The following MFHAS1 variants were observed in gnomAD, a reference collection of about 807,000 sequenced individuals.
The protein encoded by MFHAS1 is multifunctional ROCO family signaling regulator 1, also known as malignant fibrous histiocytoma-amplified sequence 1.
Under a neutral mutation model 70.4 loss-of-function variants are expected in MFHAS1, and 50 were observed. The ratio of observed to expected loss-of-function variants is 0.71; its 90% CI spans 0.57 to 0.90. The LOEUF is 0.90. MFHAS1 is among the 40% of genes least tolerant of loss of function. The pLI is 0.00. For synonymous variants in MFHAS1, 952 were observed against 620.0 expected, an observed-to-expected ratio of 1.54 and a Z score of -7.96; for missense variants, 1,795 against 1,347.6, an observed-to-expected ratio of 1.33 and a Z score of -5.20.
Position 8,891,119 on chromosome 8 carries a change from TCAGCAACTGA to T in MFHAS1, c.1930_1939del (p.Val645ThrfsTer34). The T allele has an allele frequency of 6.2e-7, 1 of 1,613,824 alleles. No homozygotes were observed. Among genetic ancestry groups the T allele is most frequent in the Non-Finnish European group, 8.5e-7 (1 of 1,180,026 alleles). On this transcript the variant is annotated frameshift_variant, in exon 1 of 3. Transcript: ENST00000276282. LOFTEE classifies it high-confidence loss of function. The surrounding 1 kb of genome is among the most constrained non-coding windows in gnomAD (Gnocchi z 5.4). ...TAAGTTGGGGAAGATCTCTCGGTGC[TCAGCAACTGA>T]CAGCAACTTGTCCCGAAGGCGTCGT...
At chr8:8,841,356 T>C (rs1807816143) in intron 1 of MFHAS1, among the ~76,000 whole-genome samples, 1 of 151,548 alleles carries the variant, frequency 6.6e-6, no homozygotes, top group Admixed American at 6.6e-5. Context: ...ACGCCTGTAA[T>C]CCCAGCTACT....
chr8:8,868,600 T>C (rs1808951371), intron 1 of MFHAS1, among the ~76,000 whole-genome samples: 2 of 151,992 alleles, frequency 1.3e-5, no homozygotes, highest in African/African-American at 4.8e-5. Context: ...GCCCAACAAA[T>C]GAGCATCTTA....
chr8:8,886,863 C>G (rs765407161), intron 1 of MFHAS1, among the ~76,000 whole-genome samples: 1 of 152,190 alleles, frequency 6.6e-6, no homozygotes, highest in Non-Finnish European at 1.5e-5. Flanking sequence ...TAGTGGCTCA[C>G]GCTTATAATC....
chr8:8,883,005 T>C (rs1177599663), intron 1 of MFHAS1, among the ~76,000 whole-genome samples: 1 of 151,766 alleles, frequency 6.6e-6, no homozygotes, highest in Non-Finnish European at 1.5e-5. Flanking sequence ...ATACAAAAAT[T>C]AGCCAGGCAT....
chr8:8,892,572 G>T lies in MFHAS1; in HGVS notation c.487C>A (p.Leu163Met), dbSNP rs34984230. Residue 163 changes from leucine (L) to methionine (M), a missense_variant, in exon 1 of 3, where the codon CTG becomes ATG. By Grantham distance (15) the Leu-to-Met change is conservative. Coordinates refer to ENST00000276282, the MANE Select transcript of MFHAS1 (RefSeq NM_004225.3). This position sits in a 1 kb window ranked among gnomAD's most constrained non-coding sequence, Gnocchi z 4.7. ...GCCAGCCGGTTAAAGCTGACATCCAGCTCCTCCAGGTGAGCGAGAGCGCCC... is the reference window on the plus strand; with the variant it reads ...GCCAGCCGGTTAAAGCTGACATCCATCTCCTCCAGGTGAGCGAGAGCGCCC... ...QLGALAHLEE[L>M]DVSFNRLAHL... 1 of 1,607,388 alleles carries T rather than the reference G, an allele frequency of 6.2e-7. No individual in the cohort carries two copies. The highest frequency in any genetic ancestry group is 1.7e-5 in the Admixed American group (1 of 58,678).
At chr8:8,840,477 A>G (rs1187343138) in intron 1 of MFHAS1, among the ~76,000 whole-genome samples, 3 of 151,568 alleles carry the variant, frequency 2.0e-5, no homozygotes, top group African/African-American at 7.3e-5. Flanking sequence ...AAAAAAAAAA[A>G]AAAAAGAATG....
intron 1 of MFHAS1, among the ~76,000 whole-genome samples, chr8:8,833,459 T>C (rs1182205557): frequency 2.0e-5 from 3 of 151,986 alleles, no homozygotes; most frequent in Non-Finnish European, 2.9e-5. Flanking sequence ...GGAGACCCCA[T>C]GTCTACAAAA....
intron 1 of MFHAS1, among the ~76,000 whole-genome samples, chr8:8,799,322 A>G (rs78609782): frequency 1.3e-5 from 2 of 152,218 alleles, no homozygotes; most frequent in Non-Finnish European, 2.9e-5. Context: ...TGGTCTCTCA[A>G]AAACTATTAT....
chr8:8,884,082 A>AC lies in MFHAS1; in HGVS notation c.2998+5978_2998+5979insG, dbSNP rs1491204286. Among the ~76,000 whole-genome samples the AC allele has an allele frequency of 6.1e-3, 869 of 143,580 alleles. 4 individuals are homozygous for AC. Among genetic ancestry groups the AC allele is most frequent in the East Asian group, 0.015 (73 of 4,938 alleles). 94.2% of individuals were successfully genotyped at this position (143,580 alleles called of 152,430 possible). A position where few individuals can be genotyped will look rare whatever the true frequency, so the allele number is the denominator to read the frequency against. On this transcript the variant is annotated intron_variant, in intron 1 of 2. Transcript: ENST00000276282. ...CACACACACACACACACACACACACAAAAAGAAAAAAAAAATTAAAGAAAA... is the reference window on the plus strand; with the variant it reads ...CACACACACACACACACACACACACACAAAAGAAAAAAAAAATTAAAGAAAA...
chr8:8,824,867 C>T (rs1455851733), intron 1 of MFHAS1, among the ~76,000 whole-genome samples: 1 of 152,210 alleles, frequency 6.6e-6, no homozygotes, highest in African/African-American at 2.4e-5. Flanking sequence ...GCACAGCGAT[C>T]GCACCCTGGA....
At chr8:8,832,557 G>A (rs1482062519) in intron 1 of MFHAS1, among the ~76,000 whole-genome samples, 1 of 149,940 alleles carries the variant, frequency 6.7e-6, no homozygotes, top group African/African-American at 2.4e-5. Context: ...ATAACCACTA[G>A]AATGCCTGCA....
intron 1 of MFHAS1, among the ~76,000 whole-genome samples, chr8:8,857,450 TAA>T (rs1808486242): frequency 6.6e-6 from 1 of 152,058 alleles, no homozygotes; most frequent in Non-Finnish European, 1.5e-5. Context: ...ACTGAAATAA[TAA>T]GAATTCTAAT....
chr8:8,847,507 C>G (rs1808080692), intron 1 of MFHAS1, among the ~76,000 whole-genome samples: 1 of 152,066 alleles, frequency 6.6e-6, no homozygotes, highest in African/African-American at 2.4e-5. Context: ...AACAAAGAAG[C>G]AGAAAGGATC....
chr8:8,857,475 C>A (rs1294959702), intron 1 of MFHAS1, among the ~76,000 whole-genome samples: 1 of 152,096 alleles, frequency 6.6e-6, no homozygotes, highest in Non-Finnish European at 1.5e-5. Context: ...AAAATGAGTT[C>A]AGGCCCGGCG....
intron 1 of MFHAS1, among the ~76,000 whole-genome samples, chr8:8,875,558 C>T (rs1420353622): frequency 6.6e-6 from 1 of 151,936 alleles, no homozygotes; most frequent in East Asian, 1.9e-4. Context: ...CTTTAGATAC[C>T]CACCATGAGA....
At chr8:8,841,267 G>A (rs914640802) in intron 1 of MFHAS1, among the ~76,000 whole-genome samples, 2 of 152,170 alleles carry the variant, frequency 1.3e-5, no homozygotes, top group African/African-American at 2.4e-5. Context: ...CTGCGGTCAT[G>A]AGTTTAAGAC....
intron 1 of MFHAS1, among the ~76,000 whole-genome samples, chr8:8,826,825 T>G (rs940326597): frequency 1.3e-5 from 2 of 152,184 alleles, no homozygotes. Flanking sequence ...CCATCAGAAA[T>G]GCAGATGTGA....
At chr8:8,801,219 A>G (rs1048128857) in intron 1 of MFHAS1, among the ~76,000 whole-genome samples, 9 of 152,076 alleles carry the variant, frequency 5.9e-5, no homozygotes, top group Non-Finnish European at 1.3e-4. Flanking sequence ...TGTCTCAAAA[A>G]AAAAAAGAAA....
intron 1 of MFHAS1, among the ~76,000 whole-genome samples, chr8:8,836,759 G>A (rs1807610998): frequency 6.6e-6 from 1 of 152,202 alleles, no homozygotes; most frequent in Non-Finnish European, 1.5e-5. Flanking sequence ...AACAAATGAA[G>A]TAGAGCTAGA....
Sources: allele counts gnomAD v4.1 joint callset (sites outside exome capture counted in the v4.1 genomes callset), GRCh38; gene constraint gnomAD v4.1.1; non-coding constraint Gnocchi (gnomAD v3.1); transcripts MANE v1.5; gene names NCBI Gene and HGNC (gene_info 2026-07-23, HGNC 2026-07-21).